Variants in ABLIM2 observed in about 807,000 individuals in gnomAD.
The protein encoded by ABLIM2 is actin-binding LIM protein 2.
A neutral mutation model predicts 97.7 loss-of-function variants in ABLIM2; 53 were observed. That is an observed-to-expected ratio of 0.54 (90% CI 0.44 to 0.68). The LOEUF (loss-of-function observed/expected upper bound fraction) is 0.68. ABLIM2 is among the 30% of genes least tolerant of loss of function. ABLIM2 has a pLI of 0.00. For synonymous variants in ABLIM2, 361 were observed against 345.8 expected (o/e 1.04, Z -0.49); for missense variants, 835 against 867.2 (o/e 0.96, Z 0.47).
At chr4:8,092,308 T>G (rs991957290) in intron 3 of ABLIM2, among the ~76,000 whole-genome samples, 3 of 152,040 alleles carry the variant, frequency 2.0e-5, no homozygotes, top group African/African-American at 7.2e-5. Flanking sequence ...CATTTGTATA[T>G]GTTCTTTAGT....
At chr4:8,142,283 C>G (rs1396236929) in intron 1 of ABLIM2, among the ~76,000 whole-genome samples, 2 of 152,208 alleles carry the variant, frequency 1.3e-5, no homozygotes, top group African/African-American at 4.8e-5. Context: ...CTGCTCCCAG[C>G]TGGTCTCTCC....
chr4:8,070,511 T>C (rs534888150), intron 6 of ABLIM2, among the ~76,000 whole-genome samples: 87 of 152,238 alleles, frequency 5.7e-4, no homozygotes, highest in African/African-American at 2.1e-3. Flanking sequence ...ACACGGTTTG[T>C]TTTCTCCCAG....
At chr4:8,012,084 CACCCATCATCCATCT>C (rs1765278114) in intron 14 of ABLIM2, among the ~76,000 whole-genome samples, 1 of 151,956 alleles carries the variant, frequency 6.6e-6, no homozygotes, top group African/African-American at 2.4e-5. Context: ...ATCCAGCCAC[CACCCATCATCCATCT>C]GCCCATCCAT....
At chr4:7,973,161 C>T (rs1047142489) in intron 20 of ABLIM2, among the ~76,000 whole-genome samples, 2 of 146,050 alleles carry the variant, frequency 1.4e-5, no homozygotes, top group African/African-American at 5.1e-5. Context: ...GAATAAAGTG[C>T]ATGTGCAAAG....
intron 17 of ABLIM2, among the ~76,000 whole-genome samples, chr4:7,988,753 A>C (rs554876515): frequency 2.6e-5 from 4 of 152,340 alleles, no homozygotes; most frequent in African/African-American, 9.6e-5. Flanking sequence ...AGGTAAGGAT[A>C]ATTTTTTAAA....
intron 20 of ABLIM2, among the ~76,000 whole-genome samples, chr4:7,969,929 A>C (rs1484339465): frequency 6.6e-6 from 1 of 152,186 alleles, no homozygotes; most frequent in Non-Finnish European, 1.5e-5. Context: ...GCCAGTCCAC[A>C]GAAACTTAGA....
At position 8,022,153 on chromosome 4, in the gene ABLIM2, C is replaced by T. The variant is rs962389379; in HGVS notation, c.1268-1850G>A. Among the ~76,000 whole-genome samples, 1 of 152,232 alleles carries T rather than the reference C, an allele frequency of 6.6e-6. No homozygotes were observed. The highest frequency in any genetic ancestry group is 6.5e-5 in the Admixed American group (1 of 15,280). ...AAACTGCACCCACACGAACTCTGAA[C>T]AGAGGAAGACGGTTTGCTTCAGGCA... is the stretch of plus-strand genomic sequence containing the variant. On this transcript the variant is annotated intron_variant, in intron 12 of 20. Coordinates refer to ENST00000447017, the MANE Select transcript of ABLIM2 (RefSeq NM_001130083.2). The surrounding 1 kb of genome is among the most constrained non-coding windows in gnomAD (Gnocchi z 7.8).
Position 8,080,672 on chromosome 4 carries a change from T to C in ABLIM2, c.581+4A>G. The C allele has an allele frequency of 6.2e-7, 1 of 1,600,118 alleles. No homozygotes were observed. Among genetic ancestry groups the C allele is most frequent in the Non-Finnish European group, 8.5e-7 (1 of 1,170,772 alleles). On this transcript the variant is annotated splice_donor_region_variant and intron_variant, in intron 5 of 20. Coordinates refer to ENST00000447017, the MANE Select transcript of ABLIM2 (RefSeq NM_001130083.2). The stretch of plus-strand genomic sequence containing the variant: ...GCTCTCACTAGAGCCCTCCCCCCAC[T>C]TACTTGCTGATGTACTCGGCATTCA...
rs935182304 is a variant in ABLIM2 at position 8,122,241 on chromosome 4, T to C, written c.11-15604A>G. Among the ~76,000 whole-genome samples the C allele has an allele frequency of 1.3e-5, 2 of 152,162 alleles. No individual in the cohort carries two copies. Among genetic ancestry groups the C allele is most frequent in the Non-Finnish European group, 2.9e-5 (2 of 68,026 alleles). On this transcript the variant is annotated intron_variant, in intron 1 of 20. Transcript: ENST00000447017. The surrounding 1 kb of genome is among the most constrained non-coding windows in gnomAD (Gnocchi z 4.1). The stretch of plus-strand genomic sequence containing the variant: ...CGCTGCCCCCTGTGCATCTCCATCA[T>C]ATCCGAATGGCCTGGTAAGGATGGC...
intron 1 of ABLIM2, among the ~76,000 whole-genome samples, chr4:8,137,052 G>A (rs1424546124): frequency 2.0e-5 from 3 of 152,184 alleles, no homozygotes; most frequent in East Asian, 1.9e-4. Flanking sequence ...ATGAGGAGGC[G>A]GCCCCCAACA....
rs1031854039 is a variant in ABLIM2, at chr4:8,061,943, G to A, written c.676-889C>T. ...TGAAAACAGCCCCGAGATGGCCCCTGTGTATTGGGAGGAAGAGCCCAGAGC... is the reference window on the plus strand; with the variant it reads ...TGAAAACAGCCCCGAGATGGCCCCTATGTATTGGGAGGAAGAGCCCAGAGC... On this transcript the variant is annotated intron_variant, in intron 6 of 20. Coordinates refer to ENST00000447017, the MANE Select transcript of ABLIM2 (RefSeq NM_001130083.2). The surrounding 1 kb of genome is among the most constrained non-coding windows in gnomAD (Gnocchi z 4.5). 2.0e-5 allele frequency among the ~76,000 whole-genome samples: 3 copies of A among 152,148 alleles called. No homozygotes were observed. Among genetic ancestry groups the A allele is most frequent in the Non-Finnish European group, 2.9e-5 (2 of 68,022 alleles).
intron 9 of ABLIM2, among the ~76,000 whole-genome samples, chr4:8,037,987 C>G (rs1298758793): frequency 1.3e-5 from 2 of 152,230 alleles, no homozygotes; most frequent in East Asian, 1.9e-4. Context: ...TGCCTGTCCC[C>G]TTCTCCCTGG....
intron 3 of ABLIM2, among the ~76,000 whole-genome samples, chr4:8,094,601 A>G (rs1319060546): frequency 6.6e-6 from 1 of 152,246 alleles, no homozygotes. Context: ...ATCTACAGAT[A>G]ACATAACTGA....
At chr4:8,119,221 C>CTGAGG (rs1844163129) in intron 1 of ABLIM2, among the ~76,000 whole-genome samples, 3 of 151,594 alleles carry the variant, frequency 2.0e-5, no homozygotes, top group Admixed American at 6.6e-5. Context: ...AATCTCACTT[C>CTGAGG]TGAGGTGAGG....
intron 17 of ABLIM2, chr4:7,989,465 G>A: frequency 2.0e-6 from 2 of 984,828 alleles, no homozygotes; most frequent in Non-Finnish European, 2.4e-6. Flanking sequence ...CATGTTGCTT[G>A]GTGCATTTAA....
At chr4:8,131,606 GCCTGGGCACAGAAGCCTGCATC>G (rs1849370555) in intron 1 of ABLIM2, among the ~76,000 whole-genome samples, 1 of 152,136 alleles carries the variant, frequency 6.6e-6, no homozygotes, top group Admixed American at 6.5e-5. Context: ...CCCTCTGCTG[GCCTGGGCACAGAAGCCTGCATC>G]CCTGAGCACA....
intron 1 of ABLIM2, among the ~76,000 whole-genome samples, chr4:8,107,908 A>G (rs1250787848): frequency 2.0e-5 from 3 of 152,114 alleles, no homozygotes; most frequent in African/African-American, 7.2e-5. Flanking sequence ...GGTCAGGGAG[A>G]TGACACATTG....
chr4:8,070,441 T>G (rs985094725), intron 6 of ABLIM2, among the ~76,000 whole-genome samples: 3 of 152,036 alleles, frequency 2.0e-5, no homozygotes, highest in African/African-American at 7.2e-5. Flanking sequence ...GTGAGAGAAG[T>G]TGGGGACTTG....
rs562989094 is a variant in ABLIM2, at chr4:8,157,762, G to A, written c.10+918C>T. Among the ~76,000 whole-genome samples the A allele has an allele frequency of 5.3e-5, 8 of 152,378 alleles. No individual in the cohort carries two copies. The South Asian group carries it at 1.2e-3, about 24-fold the overall frequency. On this transcript the variant is annotated intron_variant, in intron 1 of 20. Transcript: ENST00000447017. ...GAGGAAAGAGCACAAGAGTCAGTGA[G>A]CCCGGGGTTCGAATCCCCGCCCCCC...
Sources: gnomAD v4.1 joint callset for allele counts (sites outside exome capture counted in the v4.1 genomes callset) on GRCh38, gnomAD v4.1.1 for gene constraint, Gnocchi (gnomAD v3.1) non-coding constraint, MANE v1.5 for transcripts, NCBI Gene and HGNC (gene_info 2026-07-23, HGNC 2026-07-21) for gene names.